The following IFRD1 variants were observed in gnomAD, a reference collection of about 807,000 sequenced individuals.
IFRD1 encodes interferon-related developmental regulator 1.
Under a neutral mutation model 52.9 loss-of-function variants are expected in IFRD1, and 35 were observed. That is an observed-to-expected ratio of 0.66 (90% CI 0.51 to 0.88). The LOEUF is 0.88. Among genes scored for constraint, IFRD1 ranks in the 40% least tolerant of loss-of-function variants. The probability of loss-of-function intolerance (pLI) is 0.00; values close to 1 mark genes in which losing one functional copy is unlikely to be tolerated. For synonymous variants in IFRD1, 184 were observed against 188.4 expected (o/e 0.98, Z 0.19); for missense variants, 517 against 550.8 (o/e 0.94, Z 0.61).
chr7:112,456,899 T>C lies in IFRD1; in HGVS notation c.285-15T>C, dbSNP rs1262302303. On this transcript the variant is annotated splice_polypyrimidine_tract_variant and intron_variant, in intron 3 of 11. Transcript: ENST00000403825. ...CCAACTGGATCTTCTTTCTCTTACA[T>C]TGGGTGTTAAATAGTGCGAAGACAA... 1 of 1,612,556 alleles carries C rather than the reference T, an allele frequency of 6.2e-7. No individual in the cohort carries two copies. The highest frequency in any genetic ancestry group is 8.5e-7 in the Non-Finnish European group (1 of 1,178,632).
At chr7:112,453,360 C>CT (rs1270335448) in intron 1 of IFRD1, among the ~76,000 whole-genome samples, 2 of 152,162 alleles carry the variant, frequency 1.3e-5, no homozygotes, top group African/African-American at 4.8e-5. Context: ...AGTGCCATCT[C>CT]TTTCGTGGTA....
Position 112,455,993 on chromosome 7 carries a change from A to G in IFRD1, c.200-9A>G, listed in dbSNP as rs1563265958. The G allele has an allele frequency of 2.5e-6, 4 of 1,572,988 alleles. No individual in the cohort carries two copies. Among genetic ancestry groups the G allele is most frequent in the Non-Finnish European group, 2.6e-6 (3 of 1,142,704 alleles). On this transcript the variant is annotated splice_polypyrimidine_tract_variant and intron_variant, in intron 2 of 11. Coordinates refer to ENST00000403825, the MANE Select transcript of IFRD1 (RefSeq NM_001550.4). The stretch of plus-strand genomic sequence containing the variant: ...TAAATTACGATGGCTGTTTTATATT[A>G]TTTCTTAGGACCAGAAGTCCTTGAT...
upstream of IFRD1, among the ~76,000 whole-genome samples, chr7:112,448,681 A>G (rs1033789948): frequency 7.9e-5 from 12 of 152,242 alleles, no homozygotes; most frequent in Non-Finnish European, 1.6e-4. Flanking sequence ...AATGTTGCCC[A>G]TTAAATAGCA....
intron 1 of IFRD1, among the ~76,000 whole-genome samples, chr7:112,436,396 G>T (rs980585293): frequency 1.1e-4 from 17 of 152,162 alleles, no homozygotes; most frequent in African/African-American, 4.1e-4. Flanking sequence ...CAGCAGTGAT[G>T]AAAATGAATG....
intron 11 of IFRD1, 24 bp downstream of exon 11, chr7:112,472,885 T>G: frequency 6.8e-7 from 1 of 1,478,684 alleles, no homozygotes; most frequent in Non-Finnish European, 9.5e-7. Flanking sequence ...TTATTTTTAA[T>G]AAAACTAAGT....
intron 1 of IFRD1, among the ~76,000 whole-genome samples, chr7:112,441,622 T>A (rs1794892395): frequency 6.6e-6 from 1 of 152,170 alleles, no homozygotes; most frequent in Admixed American, 6.5e-5. Context: ...TCTTTCTTGT[T>A]TTTTCATGTC....
At chr7:112,445,700 C>T (rs2117269444), upstream of IFRD1, among the ~76,000 whole-genome samples, 1 of 152,260 alleles carries the variant, frequency 6.6e-6, no homozygotes, top group South Asian at 2.1e-4. Flanking sequence ...TAGGTTGTTC[C>T]CTGCTGAAGA....
At chr7:112,452,282 C>A in intron 1 of IFRD1, 1 of 299,856 alleles carries the variant, frequency 3.3e-6, no homozygotes, top group Non-Finnish European at 4.9e-6. Context: ...CCCTCCTCAG[C>A]CTCCTGTAGC....
intron 8 of IFRD1, among the ~76,000 whole-genome samples, chr7:112,463,079 A>G (rs538565070): frequency 2.6e-5 from 4 of 152,324 alleles, no homozygotes; most frequent in South Asian, 4.1e-4. Context: ...TGCTAAGAGA[A>G]AGGAATGCCT....
intron 1 of IFRD1, among the ~76,000 whole-genome samples, chr7:112,439,939 G>A (rs929410813): frequency 1.3e-5 from 2 of 152,108 alleles, no homozygotes; most frequent in Non-Finnish European, 2.9e-5. Flanking sequence ...GAGTAAGATG[G>A]ATCTGCGGCA....
chr7:112,468,247 G>T, intron 9 of IFRD1, 132 bp downstream of exon 9: 3 of 956,102 alleles, frequency 3.1e-6, no homozygotes, highest in Middle Eastern at 2.3e-4. Flanking sequence ...GACCTAGCAG[G>T]TTTTTAACAA....
intron 11 of IFRD1, among the ~76,000 whole-genome samples, chr7:112,474,558 A>G (rs1425324648): frequency 6.6e-6 from 1 of 152,110 alleles, no homozygotes; most frequent in Admixed American, 6.5e-5. Flanking sequence ...ATATTTTTAC[A>G]TACTTCTCTC....
At chr7:112,474,898 T>C (rs1368013296) in intron 11 of IFRD1, among the ~76,000 whole-genome samples, 12 of 152,234 alleles carry the variant, frequency 7.9e-5, no homozygotes, top group Admixed American at 3.3e-4. Context: ...ATCGTCTAAC[T>C]TTCTTGGCGT....
intron 8 of IFRD1, among the ~76,000 whole-genome samples, chr7:112,464,558 T>C (rs1241671753): frequency 6.6e-6 from 1 of 152,198 alleles, no homozygotes; most frequent in East Asian, 1.9e-4. Context: ...CACAACCTCA[T>C]AGAGTTTTTG....
At chr7:112,457,584 T>G (rs1027575072) in intron 4 of IFRD1, 2 of 153,006 alleles carry the variant, frequency 1.3e-5, no homozygotes, top group African/African-American at 4.8e-5. Context: ...CCACCAAATT[T>G]AAAAAGACTT....
At chr7:112,446,597 C>G (rs765995286), upstream of IFRD1, among the ~76,000 whole-genome samples, 1 of 151,940 alleles carries the variant, frequency 6.6e-6, no homozygotes, top group Non-Finnish European at 1.5e-5. Context: ...GAGGATGCGA[C>G]CTTAGAATGG....
At chr7:112,436,303 A>G (rs3109117) in intron 1 of IFRD1, among the ~76,000 whole-genome samples, 10,974 of 152,290 alleles carry the variant, frequency 0.072, 510 homozygotes, top group Admixed American at 0.13. Context: ...CGTTTTAACT[A>G]TGAATGAAAG....
intron 1 of IFRD1, among the ~76,000 whole-genome samples, chr7:112,430,845 G>C (rs529468003): frequency 7.9e-5 from 12 of 152,262 alleles, no homozygotes; most frequent in South Asian, 4.1e-4. Flanking sequence ...CATACAGCCT[G>C]GGGCCTGATG....
intron 1 of IFRD1, among the ~76,000 whole-genome samples, chr7:112,453,710 A>G (rs1390024754): frequency 6.6e-6 from 1 of 152,168 alleles, no homozygotes; most frequent in Non-Finnish European, 1.5e-5. Context: ...TTCCTGTCCT[A>G]AGCACTCCAA....
Sources: allele counts gnomAD v4.1 joint callset (sites outside exome capture counted in the v4.1 genomes callset), GRCh38; gene constraint gnomAD v4.1.1; transcripts MANE v1.5; gene names NCBI Gene and HGNC (gene_info 2026-07-23, HGNC 2026-07-21).